LRRN4: variants seen among roughly 807,000 people sequenced by gnomAD.
The protein encoded by LRRN4 is leucine rich repeat neuronal 4.
Under a neutral mutation model 22.3 loss-of-function variants are expected in LRRN4, and 26 were observed. The observed-to-expected ratio is 1.16, with a 90% CI of 0.85 to 1.62. The LOEUF is 1.62. Ranked by LOEUF, LRRN4 falls within the 40% of genes most tolerant of loss-of-function variation. The probability of loss-of-function intolerance (pLI) is 0.00; values close to 1 mark genes in which losing one functional copy is unlikely to be tolerated. For missense variants in LRRN4, 1,070 were observed against 1,008.5 expected, an observed-to-expected ratio of 1.06 and a Z score of -0.83; for synonymous variants, 496 against 486.2, an observed-to-expected ratio of 1.02 and a Z score of -0.26.
intron 3 of LRRN4, among the ~76,000 whole-genome samples, chr20:6,048,193 C>T (rs1425082710): frequency 6.6e-6 from 1 of 152,156 alleles, no homozygotes; most frequent in East Asian, 1.9e-4. Context: ...GCACTCTCTT[C>T]TCTTGACCTC....
In LRRN4 at chr20:6,040,949, G is replaced by A. The variant is rs1380259064; in HGVS notation, c.*73C>T. ...AGAAACCCTAGGAGCGGATGGGGTC[G>A]TTTTTGACCGTCTGTGTCTTCCTTT... On this transcript the variant is annotated 3_prime_UTR_variant, in exon 5 of 5. Coordinates refer to ENST00000378858, the MANE Select transcript of LRRN4 (RefSeq NM_152611.5). The A allele has an allele frequency of 3.8e-6, 6 of 1,579,174 alleles. No homozygotes were observed. The East Asian group carries it at 9.0e-5, about 24-fold the overall frequency.
chr20:6,053,846 T>G lies in LRRN4; in HGVS notation c.-22A>C, dbSNP rs1327563746. The G allele has an allele frequency of 1.3e-5, 2 of 152,290 alleles. No individual in the cohort carries two copies. The highest frequency in any genetic ancestry group is 4.8e-5 in the African/African-American group (2 of 41,452). The allele number at this position is 152,290 out of a possible 1,614,324, so 9.4% of individuals were successfully genotyped here. A position where few individuals can be genotyped will look rare whatever the true frequency, so the allele number is the denominator to read the frequency against. On this transcript the variant is annotated 5_prime_UTR_variant, in exon 1 of 5. Coordinates refer to ENST00000378858, the MANE Select transcript of LRRN4 (RefSeq NM_152611.5). ...CATGCTTACCTGGAAGTGGTCCTTT[T>G]GGAGTGTGGCTTCTCTGGATGCACC... is the stretch of plus-strand genomic sequence containing the variant.
Position 6,050,878 on chromosome 20 carries a change from T to G in LRRN4, c.761A>C (p.Asn254Thr), listed in dbSNP as rs1981226697. The change falls in exon 3 of 5, where the codon AAC becomes ACC. Residue 254 changes from asparagine to threonine, a missense_variant. By Grantham distance (65) the Asn-to-Thr change is moderately conservative. Transcript: ENST00000378858. ...LEGDIFKMTP[N>T]LQQLDCQDSP... ...GTCCTGACAGTCCAGCTGCTGCAGG[T>G]TGGGGGTCATCTTGAAAATGTCCCC... 1 of 1,614,044 alleles carries G rather than the reference T, an allele frequency of 6.2e-7. No homozygotes were observed. The highest frequency in any genetic ancestry group is 1.3e-5 in the African/African-American group (1 of 74,922).
chr20:6,052,329 C>T lies in LRRN4; in HGVS notation c.471G>A (p.Pro157=), dbSNP rs571698536. 1.3e-6 allele frequency: 2 copies of T among 1,510,260 alleles called. No homozygotes were observed. Among genetic ancestry groups the T allele is most frequent in the Non-Finnish European group, 1.8e-6 (2 of 1,137,006 alleles). The allele number at this position is 1,510,260 out of a possible 1,614,324, so 93.6% of individuals were successfully genotyped here. Residue 157 remains proline (P), a synonymous_variant, in exon 2 of 5, where the codon CCG becomes CCA. Coordinates refer to ENST00000378858, the MANE Select transcript of LRRN4 (RefSeq NM_152611.5). ...AGGCCCGGGGCTGCAGCGCCCGCAG[C>T]GGATTCCCGGCGAGCGCCAGGGCGC... ...SLRALALAGN[P]LRALQPRAFA...
intron 4 of LRRN4, 88 bp downstream of exon 4, chr20:6,044,455 G>A (rs1981054236): frequency 7.9e-7 from 1 of 1,270,894 alleles, no homozygotes; most frequent in Admixed American, 3.6e-5. Context: ...TGCCAAGCAT[G>A]GTCACATGAG....
intron 3 of LRRN4, among the ~76,000 whole-genome samples, chr20:6,049,408 G>A (rs1298875094): frequency 1.3e-5 from 2 of 152,128 alleles, no homozygotes; most frequent in African/African-American, 4.8e-5. Flanking sequence ...CATCACCAAA[G>A]TCATCATGAC....
intron 1 of LRRN4, among the ~76,000 whole-genome samples, chr20:6,053,120 C>T (rs1044497791): frequency 2.6e-5 from 4 of 152,124 alleles, no homozygotes; most frequent in African/African-American, 4.8e-5. Context: ...TCAATAACTC[C>T]CTCCGTTTAT....
In LRRN4 at chr20:6,041,739, C is replaced by T; in HGVS notation, c.1506G>A (p.Arg502=). The change falls in exon 5 of 5, where the codon AGG becomes AGA. Residue 502 remains arginine (R), a synonymous_variant. Coordinates refer to ENST00000378858, the MANE Select transcript of LRRN4 (RefSeq NM_152611.5). The surrounding 1 kb of genome is among the most constrained non-coding windows in gnomAD (Gnocchi z 9.4). ...RSISSPQPGQ[R]THATPQAPNP... ...TGGGGGCTTGGGGTGTGGCGTGTGT[C>T]CTCTGGCCGGGCTGAGGCGAGCTTA... is the stretch of plus-strand genomic sequence containing the variant. The T allele has an allele frequency of 6.2e-7, 1 of 1,613,794 alleles. No individual in the cohort carries two copies. The highest frequency in any genetic ancestry group is 8.5e-7 in the Non-Finnish European group (1 of 1,179,848).
chr20:6,043,435 G>C (rs1339539597), intron 4 of LRRN4, among the ~76,000 whole-genome samples: 1 of 151,634 alleles, frequency 6.6e-6, no homozygotes, highest in African/African-American at 2.4e-5. Context: ...TAATAAAATA[G>C]TAGTAAGTAG....
In LRRN4 at chr20:6,044,739, TC is replaced by T. The variant is rs1981063223; in HGVS notation, c.861-60del. On this transcript the variant is annotated intron_variant, in intron 3 of 4. Transcript: ENST00000378858. ...GTTTTTACAATTGTATCAAAGATAT[TC>T]CCAGAGAGGCATGGTGTCAGAACCA... The T allele has an allele frequency of 2.1e-6, 3 of 1,399,748 alleles. No homozygotes were observed. In the South Asian group the frequency reaches 5.4e-5, roughly 25 times the overall value. The allele number at this position is 1,399,748 out of a possible 1,614,324, so 86.7% of individuals were successfully genotyped here.
intron 3 of LRRN4, among the ~76,000 whole-genome samples, chr20:6,050,484 C>T (rs186086400): frequency 4.6e-5 from 7 of 152,330 alleles, no homozygotes; most frequent in Non-Finnish European, 1.0e-4. Context: ...AGGTCCTCCT[C>T]ACCTCTTCCC....
In LRRN4 at chr20:6,041,104, A is replaced by T; in HGVS notation, c.2141T>A (p.Leu714Gln). 1.2e-6 allele frequency: 2 copies of T among 1,612,448 alleles called. No individual in the cohort carries two copies. Among genetic ancestry groups the T allele is most frequent in the Non-Finnish European group, 1.7e-6 (2 of 1,179,146 alleles). The change falls in exon 5 of 5, where the codon CTG becomes CAG. Residue 714 changes from leucine to glutamine, a missense_variant. By Grantham distance (113) the Leu-to-Gln change is moderately radical. Transcript: ENST00000378858. The surrounding 1 kb of genome is among the most constrained non-coding windows in gnomAD (Gnocchi z 9.4). ...CACCAGGTGCGTGTCGCAGCGCTGC[A>T]GGCCCAGCGTCTGGCCCCGCCTGCA... ...CLCRRGQTLG[L>Q]QRCDTHLVAY...
At position 6,050,793 on chromosome 20, in the gene LRRN4, G is replaced by C. The variant is rs769236335; in HGVS notation, c.846C>G (p.Val282=). The change falls in exon 3 of 5, where the codon GTC becomes GTG. Residue 282 remains valine (V), a synonymous_variant. Coordinates refer to ENST00000378858, the MANE Select transcript of LRRN4 (RefSeq NM_152611.5). ...GAAGCACTTACTTCTGGAACAGAAG[G>C]ACCTGTAGATGTGGAGTATCTTGAA... ...HIFQDTPHLQ[V]LLFQNCNLSS... is the part of the protein sequence containing the mutation. 1 of 1,613,430 alleles carries C rather than the reference G, an allele frequency of 6.2e-7. No homozygotes were observed. Among genetic ancestry groups the C allele is most frequent in the Non-Finnish European group, 8.5e-7 (1 of 1,179,876 alleles).
rs770310586 is a variant in LRRN4, at chr20:6,052,208, CT to C, written c.591del (p.Glu198ArgfsTer38). The C allele has an allele frequency of 6.3e-7, 1 of 1,593,164 alleles. No individual in the cohort carries two copies. Among genetic ancestry groups the C allele is most frequent in the East Asian group, 2.3e-5 (1 of 43,736 alleles). ...QGGIAEAAFA[G>X]EDGAPLVTLE... ...AGCGTGACCAGGGGCGCGCCATCCT[CT>C]CCAGCGAACGCCGCCTCGGCGATGC... On this transcript the variant is annotated frameshift_variant, in exon 2 of 5. Transcript: ENST00000378858. LOFTEE classifies it high-confidence loss of function.
At position 6,041,109 on chromosome 20, in the gene LRRN4, C is replaced by T. The variant is rs376035754; in HGVS notation, c.2136G>A (p.Leu712=). The change falls in exon 5 of 5, where the codon CTG becomes CTA. Residue 712 remains leucine (L), a synonymous_variant. Transcript: ENST00000378858. The surrounding 1 kb of genome is among the most constrained non-coding windows in gnomAD (Gnocchi z 9.4). ...GGTGCGTGTCGCAGCGCTGCAGGCC[C>T]AGCGTCTGGCCCCGCCTGCAGAGAC... is the stretch of plus-strand genomic sequence containing the variant. ...SACLCRRGQT[L]GLQRCDTHLV... 24 of 1,612,044 alleles carry T rather than the reference C, an allele frequency of 1.5e-5. No individual in the cohort carries two copies. Among genetic ancestry groups the T allele is most frequent in the African/African-American group, 1.1e-4 (8 of 74,918 alleles).
At chr20:6,050,203 C>T (rs958646975) in intron 3 of LRRN4, among the ~76,000 whole-genome samples, 6 of 152,340 alleles carry the variant, frequency 3.9e-5, no homozygotes, top group Admixed American at 1.3e-4. Flanking sequence ...CTCACAACAT[C>T]GTGTGCTCAA....
Position 6,041,492 on chromosome 20 carries a change from G to A in LRRN4, c.1753C>T (p.Leu585=). The A allele has an allele frequency of 6.4e-7, 1 of 1,558,958 alleles. No homozygotes were observed. The highest frequency in any genetic ancestry group is 8.7e-7 in the Non-Finnish European group (1 of 1,151,864). ...TCCGTGGTCTCCGTCACCCCCTGCAGCCTGGGCGGGTCTGGGATGGTGTCT... is the reference window on the plus strand; with the variant it reads ...TCCGTGGTCTCCGTCACCCCCTGCAACCTGGGCGGGTCTGGGATGGTGTCT... ...GEDTIPDPPR[L]QGVTETTDTS... is the part of the protein sequence containing the mutation. Residue 585 remains leucine (L), a synonymous_variant, in exon 5 of 5, where the codon CTG becomes TTG. Transcript: ENST00000378858. This position sits in a 1 kb window ranked among gnomAD's most constrained non-coding sequence, Gnocchi z 9.4.
At position 6,041,275 on chromosome 20, in the gene LRRN4, G is replaced by T. The variant is rs1431946703; in HGVS notation, c.1970C>A (p.Ala657Glu). The change falls in exon 5 of 5, where the codon GCG (alanine) becomes GAG (glutamate). Residue 657 changes from alanine (A) to glutamate (E), a missense_variant. Coordinates refer to ENST00000378858, the MANE Select transcript of LRRN4 (RefSeq NM_152611.5). The surrounding 1 kb of genome is among the most constrained non-coding windows in gnomAD (Gnocchi z 9.4). ...YRVCVLAANR[A>E]GLSQPRSSGW... ...CGAAGACCGTGGCTGGCTCAAGCCCGCCCTGTTGGCCGCCAGCACGCACAC... is the reference window on the plus strand; with the variant it reads ...CGAAGACCGTGGCTGGCTCAAGCCCTCCCTGTTGGCCGCCAGCACGCACAC... The T allele has an allele frequency of 5.0e-6, 8 of 1,590,298 alleles. No homozygotes were observed. Among genetic ancestry groups the T allele is most frequent in the Non-Finnish European group, 6.8e-6 (8 of 1,171,190 alleles).
rs938270299 is a variant in LRRN4 at position 6,045,652 on chromosome 20, A to T, written c.861-972T>A. On this transcript the variant is annotated intron_variant, in intron 3 of 4. Coordinates refer to ENST00000378858, the MANE Select transcript of LRRN4 (RefSeq NM_152611.5). The stretch of plus-strand genomic sequence containing the variant: ...GCATCAGTGAACTCTTGCTAAGTAG[A>T]GAGTATCCTCCAAACTTAGTAACTT... Among the ~76,000 whole-genome samples the T allele has an allele frequency of 4.7e-5, 7 of 148,934 alleles. No individual in the cohort carries two copies. The South Asian group carries it at 1.1e-3, about 23-fold the overall frequency.
Sources: allele counts gnomAD v4.1 joint callset (sites outside exome capture counted in the v4.1 genomes callset), GRCh38; gene constraint gnomAD v4.1.1; non-coding constraint Gnocchi (gnomAD v3.1); transcripts MANE v1.5; gene names NCBI Gene and HGNC (gene_info 2026-07-23, HGNC 2026-07-21).